Variants in PRELID2 observed in about 807,000 individuals in gnomAD.
PRELID2 encodes PRELI domain containing 2.
In PRELID2, 25 loss-of-function variants were observed where a neutral mutation model predicts 28.4. The observed-to-expected ratio is 0.88, with a 90% confidence interval of 0.64 to 1.23. PRELID2 has a LOEUF of 1.23. Among genes scored for constraint, PRELID2 ranks in the 50% most tolerant of loss-of-function variants. The pLI is 0.00. For missense variants in PRELID2, 201 were observed against 214.4 expected, an observed-to-expected ratio of 0.94 and a Z score of 0.39; for synonymous variants, 76 against 71.6, an observed-to-expected ratio of 1.06 and a Z score of -0.31.
chr5:145,573,428 C>A (rs951210828), intron 1 of PRELID2, among the ~76,000 whole-genome samples: 1 of 151,832 alleles, frequency 6.6e-6, no homozygotes, highest in African/African-American at 2.4e-5. Context: ...TTTGCTGCAC[C>A]TATCAACCCG....
chr5:145,458,775 T>A, the PRELID2 span, among the ~76,000 whole-genome samples: 1 of 152,224 alleles, frequency 6.6e-6, no homozygotes, highest in African/African-American at 2.4e-5. Context: ...ATTTCATGCA[T>A]TTTGGTACAT....
At chr5:145,349,956 G>T in the PRELID2 span, among the ~76,000 whole-genome samples, 1 of 152,110 alleles carries the variant, frequency 6.6e-6, no homozygotes, top group African/African-American at 2.4e-5. Flanking sequence ...GCCAAAGAGG[G>T]CTCCCAAGAG....
At chr5:145,579,812 T>C (rs113602017) in intron 1 of PRELID2, among the ~76,000 whole-genome samples, 149 of 152,176 alleles carry the variant, frequency 9.8e-4, no homozygotes, top group African/African-American at 3.4e-3. Flanking sequence ...AATGAACACA[T>C]ATTCACATTT....
intron 1 of PRELID2, among the ~76,000 whole-genome samples, chr5:145,686,977 C>A (rs1207418773): frequency 1.3e-5 from 2 of 152,212 alleles, no homozygotes; most frequent in East Asian, 3.9e-4. Context: ...ATTTTTCCAG[C>A]TCTTCTATTA....
chr5:145,598,008 C>T (rs113460357), intron 1 of PRELID2, among the ~76,000 whole-genome samples: 151 of 152,188 alleles, frequency 9.9e-4, no homozygotes, highest in African/African-American at 3.5e-3. Context: ...AATACTTGGG[C>T]TTCAGCACAA....
chr5:145,232,239 G>A, the PRELID2 span, among the ~76,000 whole-genome samples: 21 of 152,246 alleles, frequency 1.4e-4, no homozygotes, highest in South Asian at 3.3e-3. Flanking sequence ...TTATATTCCA[G>A]AAGTTGTATT....
At chr5:145,600,799 T>C (rs1222873401) in intron 1 of PRELID2, among the ~76,000 whole-genome samples, 1 of 152,098 alleles carries the variant, frequency 6.6e-6, no homozygotes, top group Non-Finnish European at 1.5e-5. Flanking sequence ...GAAATCAGCA[T>C]ATGAAATATT....
the PRELID2 span, among the ~76,000 whole-genome samples, chr5:145,351,813 C>T: frequency 6.6e-6 from 1 of 152,156 alleles, no homozygotes; most frequent in Non-Finnish European, 1.5e-5. Context: ...TAAGTATACC[C>T]ATTCCAAATG....
chr5:145,791,203 A>G (rs1272845473), intron 5 of PRELID2, among the ~76,000 whole-genome samples: 2 of 152,008 alleles, frequency 1.3e-5, no homozygotes, highest in East Asian at 1.9e-4. Context: ...GTGCAGGGGA[A>G]CTCCCATCAC....
At chr5:145,382,165 G>A in the PRELID2 span, among the ~76,000 whole-genome samples, 1 of 151,778 alleles carries the variant, frequency 6.6e-6, no homozygotes, top group African/African-American at 2.4e-5. Flanking sequence ...ACACAGCACA[G>A]AAAGAATTAG....
chr5:145,443,392 T>A, the PRELID2 span, among the ~76,000 whole-genome samples: 2 of 152,036 alleles, frequency 1.3e-5, no homozygotes, highest in Non-Finnish European at 2.9e-5. Context: ...ATAAGTCTCA[T>A]TGTCTTGGCC....
chr5:145,717,847 T>C (rs984858730), intron 1 of PRELID2, among the ~76,000 whole-genome samples: 5 of 151,854 alleles, frequency 3.3e-5, no homozygotes, highest in African/African-American at 4.8e-5. Context: ...AATGAGAGGA[T>C]TGCAGGGTAG....
chr5:145,664,521 T>C (rs1216774106), intron 1 of PRELID2, among the ~76,000 whole-genome samples: 1 of 152,146 alleles, frequency 6.6e-6, no homozygotes, highest in African/African-American at 2.4e-5. Flanking sequence ...CTGACAGATC[T>C]GAGGAACACA....
At chr5:145,414,685 T>C in the PRELID2 span, among the ~76,000 whole-genome samples, 2 of 152,342 alleles carry the variant, frequency 1.3e-5, no homozygotes, top group East Asian at 1.9e-4. Flanking sequence ...GGCAGAATTG[T>C]GAATCAGAGT....
At chr5:145,625,217 T>C (rs1455690476) in intron 1 of PRELID2, among the ~76,000 whole-genome samples, 1 of 152,158 alleles carries the variant, frequency 6.6e-6, no homozygotes, top group Non-Finnish European at 1.5e-5. Flanking sequence ...CTAGCAATTA[T>C]ACTACCAATC....
At chr5:145,705,131 CT>C (rs1326339450) in intron 1 of PRELID2, among the ~76,000 whole-genome samples, 1 of 152,008 alleles carries the variant, frequency 6.6e-6, no homozygotes, top group Admixed American at 6.6e-5. Context: ...AATAACGATG[CT>C]TTACAAATGG....
the PRELID2 span, among the ~76,000 whole-genome samples, chr5:145,438,001 G>A: frequency 6.6e-6 from 1 of 152,056 alleles, no homozygotes; most frequent in African/African-American, 2.4e-5. Context: ...TGTTTCCTGA[G>A]AGGTTGTTAT....
At chr5:145,421,519 A>G in the PRELID2 span, among the ~76,000 whole-genome samples, 4 of 147,960 alleles carry the variant, frequency 2.7e-5, no homozygotes, top group Admixed American at 6.8e-5. Flanking sequence ...GTTTATTTGC[A>G]TAGAGGTGTT....
intron 1 of PRELID2, among the ~76,000 whole-genome samples, chr5:145,699,688 C>T (rs1039796862): frequency 6.6e-6 from 1 of 152,136 alleles, no homozygotes; most frequent in Non-Finnish European, 1.5e-5. Flanking sequence ...ATTTCCAAAT[C>T]CAAAGAGAAG....
Sources: gnomAD v4.1 joint callset for allele counts (sites outside exome capture counted in the v4.1 genomes callset) on GRCh38, gnomAD v4.1.1 for gene constraint, MANE v1.5 for transcripts, NCBI Gene and HGNC (gene_info 2026-07-23, HGNC 2026-07-21) for gene names.